SLC8A1: variants seen among roughly 807,000 people sequenced by gnomAD.
SLC8A1 encodes sodium/calcium exchanger 1.
A neutral mutation model predicts 68.3 loss-of-function variants in SLC8A1; 18 were observed. The observed-to-expected ratio is 0.26, with a 90% CI of 0.18 to 0.39. The LOEUF (loss-of-function observed/expected upper bound fraction) is 0.39, where lower values mean the gene tolerates loss of function less well. Among genes scored for constraint, SLC8A1 ranks in the 10% least tolerant of loss-of-function variants. The pLI is 1.00. For synonymous variants in SLC8A1, 475 were observed against 415.5 expected, an observed-to-expected ratio of 1.14 and a Z score of -1.74; for missense variants, 985 against 1,156.7, an observed-to-expected ratio of 0.85 and a Z score of 2.15.
chr2:40,336,445 G>A (rs1405721911), intron 2 of SLC8A1, among the ~76,000 whole-genome samples: 1 of 152,150 alleles, frequency 6.6e-6, no homozygotes, highest in Non-Finnish European at 1.5e-5. Flanking sequence ...TTTATACATG[G>A]TCAGGCCTCG....
chr2:40,241,263 C>T (rs980486412), intron 2 of SLC8A1, among the ~76,000 whole-genome samples: 2 of 152,150 alleles, frequency 1.3e-5, no homozygotes, highest in Non-Finnish European at 2.9e-5. Context: ...AAACCAAATA[C>T]CACGTGTTCT....
At chr2:40,369,835 G>T (rs1180182438) in intron 2 of SLC8A1, among the ~76,000 whole-genome samples, 1 of 151,454 alleles carries the variant, frequency 6.6e-6, no homozygotes, top group Admixed American at 6.6e-5. Flanking sequence ...CCATGAAAAA[G>T]AATTTCCTAT....
At chr2:40,347,573 A>G (rs1439920598) in intron 2 of SLC8A1, among the ~76,000 whole-genome samples, 3 of 152,200 alleles carry the variant, frequency 2.0e-5, no homozygotes, top group African/African-American at 7.2e-5. Flanking sequence ...CATTTTACAG[A>G]GGTGTTGGGA....
intron 2 of SLC8A1, among the ~76,000 whole-genome samples, chr2:40,279,512 A>G (rs1484697349): frequency 2.6e-5 from 4 of 152,214 alleles, no homozygotes; most frequent in Non-Finnish European, 5.9e-5. Context: ...CTGAAACATA[A>G]TGGAACAATT....
Position 40,150,712 on chromosome 2 carries a change from A to G in SLC8A1, c.2161+10053T>C, listed in dbSNP as rs895396759. Among the ~76,000 whole-genome samples the G allele has an allele frequency of 3.9e-5, 6 of 152,190 alleles. No homozygotes were observed. The South Asian group carries it at 6.2e-4, about 16-fold the overall frequency. On this transcript the variant is annotated intron_variant, in intron 6 of 7. Transcript: ENST00000406785. ...TTTTCCTCAAGATTTTATAATACGC[A>G]ATTTAAGAGAAGAACAGACCAATGA...
chr2:40,467,650 C>A (rs1368822539), intron 1 of SLC8A1, among the ~76,000 whole-genome samples: 2 of 152,094 alleles, frequency 1.3e-5, no homozygotes, highest in African/African-American at 4.8e-5. Context: ...GCATAAATAA[C>A]TGCATAGTGT....
At chr2:40,325,186 G>A (rs2075668174) in intron 2 of SLC8A1, among the ~76,000 whole-genome samples, 1 of 152,018 alleles carries the variant, frequency 6.6e-6, no homozygotes, top group South Asian at 2.1e-4. Flanking sequence ...CAGAAAAATA[G>A]CAGACAGTTT....
chr2:40,170,209 T>C (rs1426235398), intron 4 of SLC8A1, 72 bp downstream of exon 7: 2 of 1,331,014 alleles, frequency 1.5e-6, no homozygotes, highest in African/African-American at 1.4e-5. Context: ...CTAAAATGCA[T>C]GACTGTAATG....
intron 4 of SLC8A1, among the ~76,000 whole-genome samples, chr2:40,167,051 G>A (rs991960149): frequency 1.3e-5 from 2 of 152,230 alleles, no homozygotes; most frequent in South Asian, 4.1e-4. Context: ...TGATGTGGTA[G>A]CATTGTTAAG....
chr2:40,403,466 C>T (rs995294615), intron 2 of SLC8A1, among the ~76,000 whole-genome samples: 2 of 152,140 alleles, frequency 1.3e-5, no homozygotes, highest in East Asian at 1.9e-4. Flanking sequence ...TGTCTTTATG[C>T]GTACCAAAAA....
chr2:40,409,281 T>C (rs1691374414), intron 2 of SLC8A1, among the ~76,000 whole-genome samples: 1 of 152,086 alleles, frequency 6.6e-6, no homozygotes, highest in South Asian at 2.1e-4. Flanking sequence ...CTAATTTTTT[T>C]CCTACGGGAA....
intron 1 of SLC8A1, among the ~76,000 whole-genome samples, chr2:40,434,967 A>T (rs1490200401): frequency 6.6e-6 from 1 of 152,160 alleles, no homozygotes; most frequent in East Asian, 1.9e-4. Context: ...AGAGGCCTGA[A>T]GAGTGGTTGG....
intron 1 of SLC8A1, among the ~76,000 whole-genome samples, chr2:40,484,135 G>A (rs1337299451): frequency 6.6e-6 from 1 of 152,188 alleles, no homozygotes; most frequent in African/African-American, 2.4e-5. Context: ...GAATCCAAAT[G>A]AAATTATCCC....
intron 2 of SLC8A1, among the ~76,000 whole-genome samples, chr2:40,332,193 T>G (rs1030333190): frequency 2.0e-5 from 3 of 152,096 alleles, no homozygotes; most frequent in African/African-American, 7.2e-5. Context: ...TTTCTAAACT[T>G]TGAATGCCTT....
intron 1 of SLC8A1, among the ~76,000 whole-genome samples, chr2:40,435,740 T>TATTTTTCGAGATAG: frequency 6.6e-6 from 1 of 152,176 alleles, no homozygotes; most frequent in South Asian, 2.1e-4. Context: ...GTTGGCCCTT[T>TATTTTTCGAGATAG]CCCCTACTTT....
At chr2:40,462,286 C>T (rs956296425) in intron 1 of SLC8A1, among the ~76,000 whole-genome samples, 3 of 151,692 alleles carry the variant, frequency 2.0e-5, no homozygotes, top group South Asian at 4.2e-4. Flanking sequence ...GTATTACAGG[C>T]GTGAGTCATT....
chr2:40,181,294 G>A (rs574972229), intron 2 of SLC8A1, among the ~76,000 whole-genome samples: 5 of 152,268 alleles, frequency 3.3e-5, no homozygotes, highest in African/African-American at 1.2e-4. Context: ...ATGGGTGTGG[G>A]AAACACAGTT....
chr2:40,321,418 A>G (rs1372881303), intron 2 of SLC8A1, among the ~76,000 whole-genome samples: 1 of 152,146 alleles, frequency 6.6e-6, no homozygotes, highest in African/African-American at 2.4e-5. Context: ...AGTGATCTAT[A>G]AACAGACCCG....
At position 40,200,238 on chromosome 2, in the gene SLC8A1, A is replaced by AC. The variant is rs1558723014; in HGVS notation, c.1809-22384_1809-22383insG. Among the ~76,000 whole-genome samples the AC allele has an allele frequency of 2.9e-3, 53 of 18,246 alleles. 3 individuals are homozygous for AC. Among genetic ancestry groups the AC allele is most frequent in the African/African-American group, 5.0e-3 (26 of 5,230 alleles). The allele number at this position is 18,246 out of a possible 152,430, so 12.0% of individuals were successfully genotyped here. A position where few individuals can be genotyped will look rare whatever the true frequency, so the allele number is the denominator to read the frequency against. On this transcript the variant is annotated intron_variant, in intron 2 of 7. Transcript: ENST00000406785. ...TATATATTTTTTTATATATATATAT[A>AC]AATATATATATATATATATATATAT... is the stretch of plus-strand genomic sequence containing the variant.
Sources: gnomAD v4.1 joint callset for allele counts (sites outside exome capture counted in the v4.1 genomes callset) on GRCh38, gnomAD v4.1.1 for gene constraint, MANE v1.5 for transcripts, NCBI Gene and HGNC (gene_info 2026-07-23, HGNC 2026-07-21) for gene names.